Variants in CDKAL1 observed in about 807,000 individuals in gnomAD.
CDKAL1 encodes the protein threonylcarbamoyladenosine tRNA methylthiotransferase.
In CDKAL1, 32 loss-of-function variants were observed where a neutral mutation model predicts 68.2. That is an observed-to-expected ratio of 0.47 (90% CI 0.35 to 0.63). CDKAL1 has a LOEUF of 0.63. Among genes scored for constraint, CDKAL1 ranks in the 30% least tolerant of loss-of-function variants. The pLI is 0.00. For missense variants in CDKAL1, 606 were observed against 696.7 expected (o/e 0.87, Z 1.47); for synonymous variants, 234 against 244.3 (o/e 0.96, Z 0.39).
intron 4 of CDKAL1, among the ~76,000 whole-genome samples, chr6:20,560,606 A>C (rs1764229293): frequency 6.6e-6 from 1 of 152,212 alleles, no homozygotes; most frequent in Non-Finnish European, 1.5e-5. Context: ...TAGCTTATTA[A>C]TCTTCAAGTC....
chr6:20,797,484 A>G (rs1029981574), intron 8 of CDKAL1, among the ~76,000 whole-genome samples: 1 of 152,224 alleles, frequency 6.6e-6, no homozygotes, highest in Non-Finnish European at 1.5e-5. Context: ...CGAACGTCCT[A>G]CTTTTAGGTA....
chr6:21,217,918 C>T (rs1779401235), intron 15 of CDKAL1, among the ~76,000 whole-genome samples: 1 of 152,192 alleles, frequency 6.6e-6, no homozygotes, highest in South Asian at 2.1e-4. Context: ...GCACTGTGCC[C>T]AGCTGGGATT....
At chr6:20,670,498 T>C (rs1055042737) in intron 5 of CDKAL1, among the ~76,000 whole-genome samples, 2 of 152,202 alleles carry the variant, frequency 1.3e-5, no homozygotes, top group Non-Finnish European at 2.9e-5. Flanking sequence ...CCCACCCGTC[T>C]CCCATTAGCT....
intron 4 of CDKAL1, among the ~76,000 whole-genome samples, chr6:20,584,659 T>C (rs1765272010): frequency 6.6e-6 from 1 of 152,214 alleles, no homozygotes; most frequent in Non-Finnish European, 1.5e-5. Context: ...TCTAAGAATG[T>C]ATTTGTTCAA....
chr6:21,173,299 GTGTT>G (rs370742865), intron 13 of CDKAL1, among the ~76,000 whole-genome samples: 42 of 152,146 alleles, frequency 2.8e-4, no homozygotes, highest in Non-Finnish European at 3.5e-4. Context: ...GTTGAATGTG[GTGTT>G]TGTTTGTTTT....
intron 4 of CDKAL1, among the ~76,000 whole-genome samples, chr6:20,595,052 A>T (rs1277442045): frequency 6.6e-6 from 1 of 152,202 alleles, no homozygotes; most frequent in Non-Finnish European, 1.5e-5. Context: ...TGTTAGTCTG[A>T]TGGGCTTCCC....
chr6:20,665,833 T>C (rs904744524), intron 5 of CDKAL1, among the ~76,000 whole-genome samples: 1 of 152,076 alleles, frequency 6.6e-6, no homozygotes, highest in Non-Finnish European at 1.5e-5. Context: ...CGTATATGCA[T>C]GTTAAGTGGG....
chr6:20,873,744 G>A (rs1000355202), intron 9 of CDKAL1, among the ~76,000 whole-genome samples: 1 of 152,176 alleles, frequency 6.6e-6, no homozygotes, highest in Admixed American at 6.5e-5. Context: ...TTAAAAGGCA[G>A]TGCTTTGTTT....
intron 4 of CDKAL1, among the ~76,000 whole-genome samples, chr6:20,550,958 A>C (rs1763798362): frequency 7.3e-6 from 1 of 137,438 alleles, no homozygotes; most frequent in African/African-American, 2.8e-5. Flanking sequence ...GCTCCGCCTC[A>C]CGGTTCAAGG....
chr6:20,541,205 A>G (rs1203332880), intron 2 of CDKAL1, among the ~76,000 whole-genome samples: 3 of 152,078 alleles, frequency 2.0e-5, no homozygotes, highest in African/African-American at 7.2e-5. Flanking sequence ...GGTTCATTTC[A>G]CCCTACCTGG....
intron 5 of CDKAL1, among the ~76,000 whole-genome samples, chr6:20,657,493 G>A (rs1463525638): frequency 2.6e-5 from 4 of 152,104 alleles, no homozygotes; most frequent in Non-Finnish European, 4.4e-5. Flanking sequence ...ACTTCTTGGT[G>A]TTAAATAGTT....
At chr6:21,144,007 C>A (rs889555193) in intron 13 of CDKAL1, among the ~76,000 whole-genome samples, 6 of 146,790 alleles carry the variant, frequency 4.1e-5, no homozygotes, top group African/African-American at 1.5e-4. Flanking sequence ...AAAAAAAAAA[C>A]AGCACAATTT....
intron 5 of CDKAL1, chr6:20,722,718 T>G (rs1772439874): frequency 5.9e-6 from 1 of 169,834 alleles, no homozygotes; most frequent in South Asian, 1.4e-4. Context: ...TCTCTTCTGG[T>G]TGGTTCTTTC....
chr6:20,557,091 AATAAATAAATAC>A (rs1764085741), intron 4 of CDKAL1, among the ~76,000 whole-genome samples: 1 of 135,232 alleles, frequency 7.4e-6, no homozygotes, highest in Admixed American at 7.4e-5. Context: ...ATAAATGAAA[AATAAATAAATAC>A]ATAAATAAAT....
chr6:21,100,782 G>C (rs1773542458), intron 12 of CDKAL1, among the ~76,000 whole-genome samples: 1 of 151,856 alleles, frequency 6.6e-6, no homozygotes, highest in South Asian at 2.1e-4. Context: ...TAAATTCCAG[G>C]GACTTTTTTT....
intron 10 of CDKAL1, among the ~76,000 whole-genome samples, chr6:20,974,978 C>CAAAAAAAA (rs11330322): frequency 7.8e-4 from 49 of 62,924 alleles, no homozygotes; most frequent in African/African-American, 2.0e-3. Context: ...GACCCTATCT[C>CAAAAAAAA]AAAAAAAAAA....
chr6:20,582,663 A>G lies in CDKAL1; in HGVS notation c.286+33958A>G, dbSNP rs141811206. 2.6e-5 allele frequency among the ~76,000 whole-genome samples: 4 copies of G among 152,292 alleles called. No homozygotes were observed. In the East Asian group the frequency reaches 7.7e-4, roughly 29 times the overall value. On this transcript the variant is annotated intron_variant, in intron 4 of 15. Coordinates refer to ENST00000274695, the MANE Select transcript of CDKAL1 (RefSeq NM_017774.3). Reference sequence around the variant, plus strand: ...TCTCAGGAGCCCCTCCATTCTCATTATTAAAGATCAGTTGGTTTTCTTTTT... The same window carrying G: ...TCTCAGGAGCCCCTCCATTCTCATTGTTAAAGATCAGTTGGTTTTCTTTTT...
At chr6:20,964,451 A>G (rs1024055867) in intron 10 of CDKAL1, among the ~76,000 whole-genome samples, 1 of 152,230 alleles carries the variant, frequency 6.6e-6, no homozygotes, top group Admixed American at 6.5e-5. Context: ...AATGTGGTAC[A>G]CAGACTATGC....
chr6:20,861,293 A>T (rs1759612980), intron 9 of CDKAL1, among the ~76,000 whole-genome samples: 2 of 152,226 alleles, frequency 1.3e-5, no homozygotes, highest in South Asian at 4.1e-4. Context: ...AAACCTAAGC[A>T]TGTGAAGATT....
Sources: allele counts gnomAD v4.1 joint callset (sites outside exome capture counted in the v4.1 genomes callset), GRCh38; gene constraint gnomAD v4.1.1; transcripts MANE v1.5; gene names NCBI Gene and HGNC (gene_info 2026-07-23, HGNC 2026-07-21).